The following ZCCHC24 variants were observed in gnomAD, a reference collection of about 807,000 sequenced individuals.
ZCCHC24 encodes the protein zinc finger CCHC domain-containing protein 24.
A neutral mutation model predicts 26.2 loss-of-function variants in ZCCHC24; 10 were observed. The observed-to-expected ratio is 0.38, with a 90% CI of 0.24 to 0.65. ZCCHC24 has a LOEUF of 0.65. Ranked by LOEUF, ZCCHC24 falls within the 30% of genes least tolerant of loss-of-function variation. The pLI, the probability that ZCCHC24 is intolerant of heterozygous loss-of-function variation, is 0.54. For missense variants in ZCCHC24, 243 were observed against 329.1 expected, an observed-to-expected ratio of 0.74 and a Z score of 2.03; for synonymous variants, 144 against 147.1, an observed-to-expected ratio of 0.98 and a Z score of 0.15.
At chr10:79,418,119 A>G (rs955942114) in intron 2 of ZCCHC24, among the ~76,000 whole-genome samples, 6 of 152,224 alleles carry the variant, frequency 3.9e-5, no homozygotes, top group Admixed American at 6.5e-5. Flanking sequence ...CACAGCAGCC[A>G]CCAAGGCCTA....
At chr10:79,444,171 T>G (rs1857328326) in intron 1 of ZCCHC24, 3 of 1,540,104 alleles carry the variant, frequency 1.9e-6, no homozygotes, top group Non-Finnish European at 2.6e-6. Context: ...TCTTGCATCT[T>G]TGCAGAGAAA....
chr10:79,444,074 T>A (rs1242433202), intron 1 of ZCCHC24: 2 of 1,537,060 alleles, frequency 1.3e-6, no homozygotes, highest in South Asian at 2.4e-5. Flanking sequence ...CCCAACCCAT[T>A]CAGGACTCTG....
chr10:79,431,845 A>C (rs1054552780), intron 2 of ZCCHC24, among the ~76,000 whole-genome samples: 3 of 152,242 alleles, frequency 2.0e-5, no homozygotes, highest in Admixed American at 2.0e-4. Context: ...CTGTACTTAA[A>C]ATGACTACTA....
At position 79,386,334 on chromosome 10, in the gene ZCCHC24, C is replaced by T. The variant is rs374167546; in HGVS notation, c.*11G>A. 7.5e-6 allele frequency: 12 copies of T among 1,610,520 alleles called. No individual in the cohort carries two copies. Among genetic ancestry groups the T allele is most frequent in the South Asian group, 3.3e-5 (3 of 90,584 alleles). On this transcript the variant is annotated 3_prime_UTR_variant, in exon 4 of 4. Transcript: ENST00000372336. The stretch of plus-strand genomic sequence containing the variant: ...GGCGGGGGGTGGCTCTGGGTGCGGG[C>T]GGGCAGCCCGTCACTGCACGCGACG...
chr10:79,391,850 G>C (rs554039248), intron 3 of ZCCHC24, among the ~76,000 whole-genome samples: 2 of 151,130 alleles, frequency 1.3e-5, no homozygotes, highest in Admixed American at 1.3e-4. Flanking sequence ...CGGTGACTCA[G>C]TACACATGGA....
At chr10:79,444,163 T>C (rs1477389718) in intron 1 of ZCCHC24, 2 of 1,543,450 alleles carry the variant, frequency 1.3e-6, no homozygotes, top group Admixed American at 2.0e-5. Flanking sequence ...AACACACCTC[T>C]TGCATCTTTG....
At chr10:79,441,292 CTG>C (rs1351141896) in intron 1 of ZCCHC24, among the ~76,000 whole-genome samples, 1 of 152,058 alleles carries the variant, frequency 6.6e-6, no homozygotes, top group Non-Finnish European at 1.5e-5. Context: ...ACTGTCAAGA[CTG>C]GGGCCTTTTA....
At chr10:79,415,575 T>C (rs1265182240) in intron 2 of ZCCHC24, among the ~76,000 whole-genome samples, 1 of 152,216 alleles carries the variant, frequency 6.6e-6, no homozygotes, top group Admixed American at 6.5e-5. Context: ...AAATGCCCTT[T>C]GTTCAGAAGA....
intron 2 of ZCCHC24, among the ~76,000 whole-genome samples, chr10:79,407,194 G>T (rs1422293419): frequency 1.3e-5 from 2 of 152,248 alleles, no homozygotes; most frequent in East Asian, 3.8e-4. Flanking sequence ...CCTTTAAAGT[G>T]CTGATGGGGT....
intron 2 of ZCCHC24, among the ~76,000 whole-genome samples, chr10:79,402,886 A>T (rs1856656330): frequency 6.6e-6 from 1 of 152,044 alleles, no homozygotes; most frequent in Non-Finnish European, 1.5e-5. Flanking sequence ...ACACAGCCGC[A>T]CCTCTTACCT....
intron 3 of ZCCHC24, 132 bp from the exon 4 acceptor site, chr10:79,386,590 G>A: frequency 1.6e-6 from 1 of 636,414 alleles, no homozygotes; most frequent in Non-Finnish European, 2.7e-6. Flanking sequence ...AGACAGAGAG[G>A]CACACCTCTG....
intron 2 of ZCCHC24, among the ~76,000 whole-genome samples, chr10:79,407,977 AT>A (rs1311603088): frequency 6.6e-6 from 1 of 152,190 alleles, no homozygotes; most frequent in Non-Finnish European, 1.5e-5. Flanking sequence ...TCTGGAAACC[AT>A]CACCGGGAAC....
intron 1 of ZCCHC24, 117 bp downstream of exon 1, chr10:79,445,078 G>C: frequency 9.4e-7 from 1 of 1,059,934 alleles, no homozygotes; most frequent in Non-Finnish European, 1.2e-6. Context: ...AGCCGGGCCC[G>C]GCAATGCGGA....
chr10:79,434,446 G>A (rs1046148217), intron 1 of ZCCHC24, among the ~76,000 whole-genome samples: 11 of 152,144 alleles, frequency 7.2e-5, no homozygotes, highest in Admixed American at 3.3e-4. Flanking sequence ...AACCTTCCAC[G>A]GCATGGGGGA....
intron 2 of ZCCHC24, among the ~76,000 whole-genome samples, chr10:79,409,500 T>C (rs1457684917): frequency 2.0e-5 from 3 of 152,218 alleles, no homozygotes; most frequent in African/African-American, 7.2e-5. Flanking sequence ...GGGTCCCCTC[T>C]GATTCCCTGG....
chr10:79,386,349 T>A lies in ZCCHC24; in HGVS notation c.722A>T (p.Gln241Leu). The change falls in exon 4 of 4, where the codon CAG becomes CTG. Residue 241 changes from glutamine (Q) to leucine (L), a missense_variant. Physicochemically the swap from Gln to Leu is moderately radical, Grantham distance 113. This residue lies in a region of ZCCHC24 where 96 missense variants were observed against 178.3 expected (regional missense o/e 0.54). Transcript: ENST00000372336. ...KVLGYYCRRV[Q>L] Reference sequence around the variant, plus strand: ...TGGGTGCGGGCGGGCAGCCCGTCACTGCACGCGACGGCAGTAGTAGCCCAG... The same window carrying A: ...TGGGTGCGGGCGGGCAGCCCGTCACAGCACGCGACGGCAGTAGTAGCCCAG... 6.2e-7 allele frequency: 1 copy of A among 1,612,752 alleles called. No homozygotes were observed. The highest frequency in any genetic ancestry group is 1.1e-5 in the South Asian group (1 of 90,902).
chr10:79,391,666 C>T (rs1455324857), intron 3 of ZCCHC24, among the ~76,000 whole-genome samples: 1 of 151,944 alleles, frequency 6.6e-6, no homozygotes, highest in Non-Finnish European at 1.5e-5. Flanking sequence ...TCCTCCCCTG[C>T]TCCCTCCCAG....
chr10:79,394,660 A>T (rs1023305483), intron 2 of ZCCHC24: 13 of 983,818 alleles, frequency 1.3e-5, no homozygotes, highest in African/African-American at 1.7e-5. Context: ...GAGATGGTGA[A>T]AAAACAGAGG....
intron 2 of ZCCHC24, among the ~76,000 whole-genome samples, chr10:79,410,076 C>T (rs539526415): frequency 2.0e-5 from 3 of 152,366 alleles, no homozygotes; most frequent in Admixed American, 1.3e-4. Context: ...AAGCCAAGCA[C>T]ATCTGTGCCT....
Sources: allele counts gnomAD v4.1 joint callset (sites outside exome capture counted in the v4.1 genomes callset), GRCh38; gene constraint gnomAD v4.1.1; regional missense constraint gnomAD v4.1.1; transcripts MANE v1.5; gene names NCBI Gene and HGNC (gene_info 2026-07-23, HGNC 2026-07-21).